CCAR2: variants seen among roughly 807,000 people sequenced by gnomAD.
The protein encoded by CCAR2 is cell cycle and apoptosis regulator 2, also known as cell cycle and apoptosis regulator protein 2.
Under a neutral mutation model 108.1 loss-of-function variants are expected in CCAR2, and 21 were observed. That is an observed-to-expected ratio of 0.19 (90% CI 0.14 to 0.28). The LOEUF (loss-of-function observed/expected upper bound fraction) is 0.28, where lower values mean the gene tolerates loss of function less well. Ranked by LOEUF, CCAR2 falls within the 10% of genes least tolerant of loss-of-function variation. The pLI is 1.00. For missense variants in CCAR2, 1,126 were observed against 1,177.0 expected (o/e 0.96, Z 0.63); for synonymous variants, 577 against 472.8 (o/e 1.22, Z -2.86).
rs765952911 is a variant in CCAR2 at position 22,616,084 on chromosome 8, C to G, written c.1681C>G (p.Leu561Val). The G allele has an allele frequency of 6.2e-7, 1 of 1,614,034 alleles. No homozygotes were observed. Residue 561 changes from leucine (L) to valine (V), a missense_variant, in exon 14 of 21, where the codon CTG becomes GTG. Physicochemically the swap from Leu to Val is conservative, Grantham distance 32 (BLOSUM62 1). This residue lies in a region of CCAR2 where 1,013 missense variants were observed against 993.9 expected (regional missense o/e 1.02). Transcript: ENST00000308511. The part of the protein sequence containing the change: ...DFGYRVYKML[L>V]SLPEKVVSPP... Reference sequence around the variant, plus strand: ...TGGCTATAGAGTTTATAAGATGCTACTGAGCCTTCCTGAAAAGGTCGTGTC... The same window carrying G: ...TGGCTATAGAGTTTATAAGATGCTAGTGAGCCTTCCTGAAAAGGTCGTGTC...
intron 14 of CCAR2, among the ~76,000 whole-genome samples, chr8:22,617,095 G>C (rs991338767): frequency 6.6e-6 from 1 of 151,528 alleles, no homozygotes; most frequent in Non-Finnish European, 1.5e-5. Context: ...GGCTGGTCTT[G>C]AACTCCTGAC....
rs765847314 is a variant in CCAR2, at chr8:22,605,742, C to G, written c.-32C>G. 5 of 1,601,082 alleles carry G rather than the reference C, an allele frequency of 3.1e-6. No homozygotes were observed. The East Asian group carries it at 8.9e-5, about 29-fold the overall frequency. ...CTTTCTTTTTGGATTGAAGCCTTTTCCCCACGACTCTGAAAGAGGACAGCG... is the reference window on the plus strand; with the variant it reads ...CTTTCTTTTTGGATTGAAGCCTTTTGCCCACGACTCTGAAAGAGGACAGCG... On this transcript the variant is annotated 5_prime_UTR_variant, in exon 2 of 21. Transcript: ENST00000308511.
chr8:22,606,681 G>C lies in CCAR2; in HGVS notation c.225G>C (p.Glu75Asp). Residue 75 changes from glutamate to aspartate, a missense_variant, in exon 4 of 21, where the codon GAG (glutamate) becomes GAC (aspartate). Glu to Asp is a conservative substitution (Grantham distance 45, BLOSUM62 2). Coordinates refer to ENST00000308511, the MANE Select transcript of CCAR2 (RefSeq NM_001393997.1). ...ACTACTTTGGGGTTGTGGATGAAGA[G>C]GTCTTTTTTCAGCTAAGGTAGGCTT... The part of the protein sequence containing the change: ...LHDYFGVVDE[E>D]VFFQLSVVKG... 1 of 1,614,088 alleles carries C rather than the reference G, an allele frequency of 6.2e-7. No homozygotes were observed.
In CCAR2 at chr8:22,612,189, C is replaced by T. The variant is rs534453499; in HGVS notation, c.585-828C>T. Among the ~76,000 whole-genome samples the T allele has an allele frequency of 9.2e-5, 14 of 152,258 alleles. No homozygotes were observed. The East Asian group carries it at 1.9e-3, about 21-fold the overall frequency. On this transcript the variant is annotated intron_variant, in intron 7 of 20. Coordinates refer to ENST00000308511, the MANE Select transcript of CCAR2 (RefSeq NM_001393997.1). ...CTTGAACTCCCGACCTCAAGTGATC[C>T]GCCCACTTCGGCCTCCCTAAGTGCT...
At position 22,615,557 on chromosome 8, in the gene CCAR2, A is replaced by T; in HGVS notation, c.1338A>T (p.Lys446Asn). Residue 446 changes from lysine (K) to asparagine (N), a missense_variant, in exon 12 of 21, where the codon AAA becomes AAT. Coordinates refer to ENST00000308511, the MANE Select transcript of CCAR2 (RefSeq NM_001393997.1). ...AGTGGGAGGCCCTGTGCCAGCAGAA[A>T]GCTGCAGAGGCAGCTCCCCCAACCC... ...LEEWEALCQQ[K>N]AAEAAPPTQE... 6 of 1,613,966 alleles carry T rather than the reference A, an allele frequency of 3.7e-6. No individual in the cohort carries two copies. The highest frequency in any genetic ancestry group is 5.1e-6 in the Non-Finnish European group (6 of 1,180,012).
At position 22,620,050 on chromosome 8, in the gene CCAR2, G is replaced by C. The variant is rs201958847; in HGVS notation, c.*368G>C. 3.9e-6 allele frequency: 1 copy of C among 257,880 alleles called. No individual in the cohort carries two copies. The highest frequency in any genetic ancestry group is 4.7e-5 in the Admixed American group (1 of 21,144). 16.0% of individuals were successfully genotyped at this position (257,880 alleles called of 1,614,324 possible). A position where few individuals can be genotyped will look rare whatever the true frequency, so the allele number is the denominator to read the frequency against. Reference sequence around the variant, plus strand: ...AAAAGGCTTTTCGAGTGTGGGACAAGGTCTGATGTCAGTGAACGGAACTGA... The same window carrying C: ...AAAAGGCTTTTCGAGTGTGGGACAACGTCTGATGTCAGTGAACGGAACTGA... On this transcript the variant is annotated 3_prime_UTR_variant, in exon 21 of 21. Transcript: ENST00000308511.
chr8:22,607,071 A>G (rs776622685), intron 5 of CCAR2, 47 bp downstream of exon 5: 5 of 1,610,624 alleles, frequency 3.1e-6, no homozygotes, highest in Non-Finnish European at 3.4e-6. Flanking sequence ...AAGGGATGGA[A>G]GCCCCTGTGC....
intron 1 of CCAR2, 85 bp from the exon 2 acceptor site, chr8:22,605,651 A>G: frequency 2.6e-6 from 2 of 775,088 alleles, no homozygotes; most frequent in Non-Finnish European, 4.4e-6. Context: ...TTTCCGAAAT[A>G]TCCTTACTTA....
chr8:22,621,400 G>A (rs775535509), downstream of CCAR2: 1 of 1,607,502 alleles, frequency 6.2e-7, no homozygotes, highest in Admixed American at 1.7e-5. Context: ...CGTCACAGGA[G>A]TCCTCCAAGA....
At chr8:22,612,055 C>T (rs1801307838) in intron 7 of CCAR2, among the ~76,000 whole-genome samples, 2 of 151,842 alleles carry the variant, frequency 1.3e-5, no homozygotes, top group African/African-American at 2.4e-5. Flanking sequence ...AGCGATTCTC[C>T]TTGCCTCAGT....
intron 7 of CCAR2, among the ~76,000 whole-genome samples, chr8:22,610,093 A>G (rs998467846): frequency 2.0e-5 from 3 of 152,160 alleles, no homozygotes; most frequent in Admixed American, 6.5e-5. Flanking sequence ...TTCTGGTCCC[A>G]AGCATTTCAG....
rs1429668009 is a variant in CCAR2 at position 22,614,996 on chromosome 8, C to T, written c.1200C>T (p.Thr400=). 3.8e-6 allele frequency: 6 copies of T among 1,570,732 alleles called. No individual in the cohort carries two copies. Among genetic ancestry groups the T allele is most frequent in the Non-Finnish European group, 5.2e-6 (6 of 1,156,724 alleles). ...CTGGCATTGATTTGAGCGGCTGTAC[C>T]AAGTGGTGAGTGGGCTTCCTGAGCC... The part of the protein sequence containing the change: ...AQTGIDLSGC[T]KWWRFAEFQY... Residue 400 remains threonine, a synonymous_variant, in exon 11 of 21, where the codon ACC becomes ACT. Coordinates refer to ENST00000308511, the MANE Select transcript of CCAR2 (RefSeq NM_001393997.1).
rs1448580003 is a variant in CCAR2 at position 22,619,405 on chromosome 8, C to CA, written c.2727+54dup. On this transcript the variant is annotated intron_variant, in intron 20 of 20. Transcript: ENST00000308511. ...CAGCACAGCTCCTTTCCCTGAGCTC[C>CA]AAAAGTCCCCAGAAGGGCGCTTGCC... 2.6e-6 allele frequency: 4 copies of CA among 1,536,482 alleles called. No homozygotes were observed. The Admixed American group carries it at 6.0e-5, about 23-fold the overall frequency.
At position 22,607,268 on chromosome 8, in the gene CCAR2, G is replaced by T; in HGVS notation, c.430G>T (p.Ala144Ser). 2 of 1,613,898 alleles carry T rather than the reference G, an allele frequency of 1.2e-6. No homozygotes were observed. Among genetic ancestry groups the T allele is most frequent in the Non-Finnish European group, 1.7e-6 (2 of 1,180,024 alleles). Residue 144 changes from alanine (A) to serine (S), a missense_variant, in exon 6 of 21, where the codon GCT (alanine) becomes TCT (serine). Ala to Ser is a moderately conservative substitution (Grantham distance 99). Around this residue, in one of 4 missense-constraint regions of CCAR2, gnomAD observed 44 missense variants for 63.4 expected, o/e 0.69. Coordinates refer to ENST00000308511, the MANE Select transcript of CCAR2 (RefSeq NM_001393997.1). ...ALGQKQGILG[A>S]QPQLIFQPHR... ...GGGCCAGAAGCAAGGGATCCTGGGA[G>T]CTCAGCCTCAGTTGATCTTCCAGCC...
At chr8:22,606,202 G>A (rs201435149) in intron 3 of CCAR2, 26 bp downstream of exon 3, 1 of 1,569,806 alleles carries the variant, frequency 6.4e-7, no homozygotes, top group East Asian at 2.2e-5. Context: ...CTTGTAGTAA[G>A]TTTCAGCCCT....
At chr8:22,612,912 A>T in intron 7 of CCAR2, 105 bp from the exon 8 acceptor site, 1 of 1,247,036 alleles carries the variant, frequency 8.0e-7, no homozygotes, top group South Asian at 1.5e-5. Context: ...TTTTCCATTT[A>T]TTGAATGTGA....
Position 22,619,314 on chromosome 8 carries a change from C to T in CCAR2, c.2686C>T (p.Leu896=), listed in dbSNP as rs1801659307. ...QRLLQELRRR[L]TPLQLEIQRV... is the part of the protein sequence containing the mutation. Reference sequence around the variant, plus strand: ...GCTGCTGCAGGAGCTCCGCAGGCGTCTGACCCCCCTGCAGCTGGAGATCCA... The same window carrying T: ...GCTGCTGCAGGAGCTCCGCAGGCGTTTGACCCCCCTGCAGCTGGAGATCCA... The change falls in exon 20 of 21, where the codon CTG becomes TTG. Residue 896 remains leucine (L), a synonymous_variant. Transcript: ENST00000308511. 3.8e-6 allele frequency: 6 copies of T among 1,563,888 alleles called. No individual in the cohort carries two copies. Among genetic ancestry groups the T allele is most frequent in the Non-Finnish European group, 4.3e-6 (5 of 1,154,944 alleles).
At chr8:22,618,174 TC>T in intron 16 of CCAR2, 174 bp from the exon 17 acceptor site, 1 of 783,332 alleles carries the variant, frequency 1.3e-6, no homozygotes, top group Non-Finnish European at 2.1e-6. Flanking sequence ...CACTGCAGCC[TC>T]GAACTCCTGG....
downstream of CCAR2, chr8:22,621,263 C>T: frequency 9.8e-7 from 1 of 1,018,802 alleles, no homozygotes; most frequent in Non-Finnish European, 1.4e-6. Flanking sequence ...CCTAGGGCTC[C>T]TGGTGCCAGG....
Sources: gnomAD v4.1 joint callset for allele counts (sites outside exome capture counted in the v4.1 genomes callset) on GRCh38, gnomAD v4.1.1 for gene constraint, gnomAD v4.1.1 regional missense constraint, MANE v1.5 for transcripts, NCBI Gene and HGNC (gene_info 2026-07-23, HGNC 2026-07-21) for gene names.